The following PTPRD variants were observed in gnomAD, a reference collection of about 807,000 sequenced individuals.
PTPRD encodes protein tyrosine phosphatase receptor type D, also known as receptor-type tyrosine-protein phosphatase delta.
A neutral mutation model predicts 214.5 loss-of-function variants in PTPRD; 34 were observed. That is an observed-to-expected ratio of 0.16 (90% CI 0.12 to 0.21). The LOEUF (loss-of-function observed/expected upper bound fraction) is 0.21, where lower values mean the gene tolerates loss of function less well. PTPRD is among the 10% of genes least tolerant of loss of function. The probability of loss-of-function intolerance (pLI) is 1.00; values close to 1 mark genes in which losing one functional copy is unlikely to be tolerated. For synonymous variants in PTPRD, 1,128 were observed against 845.7 expected (o/e 1.33, Z -5.79); for missense variants, 2,545 against 2,398.7 (o/e 1.06, Z -1.27).
chr9:10,047,255 C>T (rs142073189), intron 3 of PTPRD, among the ~76,000 whole-genome samples: 8 of 149,306 alleles, frequency 5.4e-5, no homozygotes, highest in African/African-American at 1.5e-4. Context: ...AGGATTGTAT[C>T]CTAATCTATC....
chr9:8,852,354 A>G (rs1381346405), intron 11 of PTPRD, among the ~76,000 whole-genome samples: 1 of 152,252 alleles, frequency 6.6e-6, no homozygotes, highest in Non-Finnish European at 1.5e-5. Context: ...GCCATGTGGC[A>G]AAGGTCACTA....
Position 9,478,027 on chromosome 9 carries a change from G to T in PTPRD, c.-236-80545C>A, listed in dbSNP as rs1416944531. 2.0e-5 allele frequency among the ~76,000 whole-genome samples: 3 copies of T among 152,252 alleles called. No homozygotes were observed. The East Asian group carries it at 5.8e-4, about 29-fold the overall frequency. ...TAATGAAAATATTACATTTACATTT[G>T]TACTACACATGGACCGTTCTGAAAA... is the stretch of plus-strand genomic sequence containing the variant. On this transcript the variant is annotated intron_variant, in intron 8 of 45. Transcript: ENST00000381196.
At chr9:8,376,933 A>G (rs1564394583) in intron 37 of PTPRD, among the ~76,000 whole-genome samples, 2 of 152,152 alleles carry the variant, frequency 1.3e-5, no homozygotes, top group African/African-American at 2.4e-5. Flanking sequence ...TAGGAATACT[A>G]AACAGTAACA....
intron 4 of PTPRD, among the ~76,000 whole-genome samples, chr9:10,029,366 A>C (rs925547586): frequency 6.6e-6 from 1 of 152,116 alleles, no homozygotes; most frequent in Non-Finnish European, 1.5e-5. Flanking sequence ...AGAATGGTAG[A>C]TCCACTGACA....
intron 5 of PTPRD, among the ~76,000 whole-genome samples, chr9:9,920,188 G>A (rs1263127458): frequency 6.6e-6 from 1 of 152,104 alleles, no homozygotes; most frequent in Non-Finnish European, 1.5e-5. Context: ...ATGAGACACT[G>A]TGCAAACGTT....
At chr9:9,156,526 T>G (rs2099881333) in intron 10 of PTPRD, among the ~76,000 whole-genome samples, 1 of 151,962 alleles carries the variant, frequency 6.6e-6, no homozygotes, top group Non-Finnish European at 1.5e-5. Flanking sequence ...TGAAAACTAT[T>G]AACAGCCAAC....
intron 14 of PTPRD, among the ~76,000 whole-genome samples, chr9:8,570,970 C>G (rs1160560420): frequency 6.6e-6 from 1 of 151,962 alleles, no homozygotes; most frequent in African/African-American, 2.4e-5. Flanking sequence ...CTTAAACACT[C>G]TTGAAGCATT....
intron 4 of PTPRD, among the ~76,000 whole-genome samples, chr9:9,969,445 G>T (rs1027066757): frequency 1.3e-5 from 2 of 152,128 alleles, no homozygotes; most frequent in African/African-American, 4.8e-5. Context: ...GACAGGAATT[G>T]ATTTCATATT....
At chr9:10,022,248 G>T (rs1333726725) in intron 4 of PTPRD, among the ~76,000 whole-genome samples, 1 of 76,578 alleles carries the variant, frequency 1.3e-5, no homozygotes, top group African/African-American at 5.2e-5. Flanking sequence ...TGACATGTGT[G>T]TCACAGGAAT....
intron 10 of PTPRD, among the ~76,000 whole-genome samples, chr9:9,162,036 A>C (rs1039974296): frequency 6.6e-6 from 1 of 152,084 alleles, no homozygotes; most frequent in Non-Finnish European, 1.5e-5. Context: ...TTTTCAAAGA[A>C]GAAAACAACA....
intron 11 of PTPRD, among the ~76,000 whole-genome samples, chr9:8,839,406 G>A (rs1601527445): frequency 6.6e-6 from 1 of 152,012 alleles, no homozygotes; most frequent in African/African-American, 2.4e-5. Flanking sequence ...GCTCACTGCA[G>A]CCTCTGCCTC....
intron 6 of PTPRD, among the ~76,000 whole-genome samples, chr9:9,744,430 G>C (rs1438578999): frequency 1.3e-5 from 2 of 152,096 alleles, no homozygotes; most frequent in East Asian, 3.9e-4. Context: ...GACTGAGTTT[G>C]AGAATTTAAT....
intron 2 of PTPRD, among the ~76,000 whole-genome samples, chr9:10,381,951 A>T (rs1400239169): frequency 6.6e-6 from 1 of 151,952 alleles, no homozygotes; most frequent in Admixed American, 6.6e-5. Context: ...ATATAAAATT[A>T]TCTCTTTTGT....
At chr9:10,233,232 C>A (rs1400890817) in intron 3 of PTPRD, among the ~76,000 whole-genome samples, 3 of 151,952 alleles carry the variant, frequency 2.0e-5, no homozygotes, top group African/African-American at 7.2e-5. Flanking sequence ...TGACTAAGGT[C>A]TAAGAAGGAA....
chr9:9,211,245 T>C (rs149875033), intron 9 of PTPRD, among the ~76,000 whole-genome samples: 230 of 152,278 alleles, frequency 1.5e-3, no homozygotes, highest in Non-Finnish European at 2.9e-3. Context: ...CTCAATTGTG[T>C]TAACTCAAAC....
chr9:10,189,925 G>A (rs565134830), intron 3 of PTPRD, among the ~76,000 whole-genome samples: 18 of 152,096 alleles, frequency 1.2e-4, no homozygotes, highest in East Asian at 1.9e-4. Context: ...AACAGAGCAC[G>A]GAAGAGAAAG....
intron 11 of PTPRD, among the ~76,000 whole-genome samples, chr9:8,994,804 G>A (rs550795002): frequency 6.6e-6 from 1 of 152,194 alleles, no homozygotes; most frequent in East Asian, 1.9e-4. Context: ...GTGCTGAACT[G>A]TGGAGGATCA....
intron 8 of PTPRD, among the ~76,000 whole-genome samples, chr9:9,413,678 T>A (rs941328277): frequency 6.6e-6 from 1 of 152,228 alleles, no homozygotes; most frequent in Non-Finnish European, 1.5e-5. Flanking sequence ...GGTTCTGTCC[T>A]TTTTAAACTT....
At chr9:9,024,607 T>G (rs1052236608) in intron 10 of PTPRD, among the ~76,000 whole-genome samples, 1 of 151,744 alleles carries the variant, frequency 6.6e-6, no homozygotes, top group Admixed American at 6.6e-5. Flanking sequence ...ATTTTAAAAT[T>G]TTTGCCAATT....
Sources: allele counts gnomAD v4.1 joint callset (sites outside exome capture counted in the v4.1 genomes callset), GRCh38; gene constraint gnomAD v4.1.1; transcripts MANE v1.5; gene names NCBI Gene and HGNC (gene_info 2026-07-23, HGNC 2026-07-21).